Variants in DACH1 observed in about 807,000 individuals in gnomAD.
The protein encoded by DACH1 is dachshund family transcription factor 1, also known as dachshund homolog 1.
Under a neutral mutation model 54.2 loss-of-function variants are expected in DACH1, and 12 were observed. That is an observed-to-expected ratio of 0.22 (90% CI 0.14 to 0.36). The LOEUF is 0.36. Ranked by LOEUF, DACH1 falls within the 10% of genes least tolerant of loss-of-function variation. DACH1 has a pLI of 1.00. For missense variants in DACH1, 805 were observed against 929.8 expected (o/e 0.87, Z 1.75); for synonymous variants, 386 against 366.2 (o/e 1.05, Z -0.62).
At chr13:71,691,616 G>T (rs1432928467) in intron 1 of DACH1, among the ~76,000 whole-genome samples, 1 of 151,708 alleles carries the variant, frequency 6.6e-6, no homozygotes, top group African/African-American at 2.4e-5. Context: ...AAGTAATAGA[G>T]TCAGGTTGTG....
chr13:71,532,641 T>C (rs1882489665), intron 6 of DACH1, among the ~76,000 whole-genome samples: 1 of 152,008 alleles, frequency 6.6e-6, no homozygotes, highest in Non-Finnish European at 1.5e-5. Flanking sequence ...AGGATCCTGG[T>C]ACCTAGTAGG....
chr13:71,455,896 A>T (rs1593720444), intron 10 of DACH1, among the ~76,000 whole-genome samples: 1 of 152,164 alleles, frequency 6.6e-6, no homozygotes, highest in East Asian at 1.9e-4. Flanking sequence ...AACAGACCTC[A>T]TCCTTTGCAA....
At chr13:71,842,861 T>C (rs1872970237) in intron 1 of DACH1, among the ~76,000 whole-genome samples, 1 of 152,220 alleles carries the variant, frequency 6.6e-6, no homozygotes, top group African/African-American at 2.4e-5. Flanking sequence ...ATATCTATTC[T>C]TCTGACTTGT....
At chr13:71,536,456 G>A (rs1882812592) in intron 6 of DACH1, among the ~76,000 whole-genome samples, 1 of 152,046 alleles carries the variant, frequency 6.6e-6, no homozygotes, top group Non-Finnish European at 1.5e-5. Flanking sequence ...CGGACCTGGA[G>A]GCAGTGTGCT....
intron 6 of DACH1, among the ~76,000 whole-genome samples, chr13:71,541,948 T>C (rs986355308): frequency 2.2e-5 from 3 of 137,364 alleles, no homozygotes; most frequent in African/African-American, 8.9e-5. Flanking sequence ...TTTTTTTTTT[T>C]CATCTTCACA....
intron 1 of DACH1, among the ~76,000 whole-genome samples, chr13:71,714,754 T>C (rs1882891366): frequency 6.6e-6 from 1 of 152,074 alleles, no homozygotes; most frequent in South Asian, 2.1e-4. Flanking sequence ...AAGAAACCTA[T>C]CAATGTTTAG....
intron 2 of DACH1, among the ~76,000 whole-genome samples, chr13:71,638,904 A>G (rs1361530417): frequency 6.6e-6 from 1 of 152,152 alleles, no homozygotes; most frequent in African/African-American, 2.4e-5. Flanking sequence ...CAACAATTCA[A>G]TTCAGAAAGT....
At chr13:71,807,640 T>C (rs1887560476) in intron 1 of DACH1, among the ~76,000 whole-genome samples, 1 of 152,174 alleles carries the variant, frequency 6.6e-6, no homozygotes, top group Admixed American at 6.5e-5. Flanking sequence ...TTTCTAGAAA[T>C]AGGAATCTAA....
intron 2 of DACH1, among the ~76,000 whole-genome samples, chr13:71,679,751 G>A (rs548114816): frequency 3.4e-4 from 51 of 152,066 alleles, no homozygotes; most frequent in African/African-American, 1.0e-3. Context: ...TTGGGAGGCC[G>A]AGGCGGATGG....
chr13:71,759,937 C>A (rs1594187754), intron 1 of DACH1, among the ~76,000 whole-genome samples: 1 of 152,148 alleles, frequency 6.6e-6, no homozygotes, highest in East Asian at 1.9e-4. Context: ...ACAATGTAAG[C>A]CTTTTCTTAA....
At chr13:71,608,597 T>A (rs1875064719) in intron 3 of DACH1, among the ~76,000 whole-genome samples, 1 of 152,102 alleles carries the variant, frequency 6.6e-6, no homozygotes, top group Admixed American at 6.6e-5. Flanking sequence ...ATATTCTGAA[T>A]GTCTCAACTT....
In DACH1 at chr13:71,752,026, TA is replaced by T. The variant is rs371139452; in HGVS notation, c.849-70117del. ...TATTTCCTTTATAGTAAGTGTGATATAAACAAAAATACTGACTAATGAAAGA... is the reference window on the plus strand; with the variant it reads ...TATTTCCTTTATAGTAAGTGTGATATAACAAAAATACTGACTAATGAAAGA... On this transcript the variant is annotated intron_variant, in intron 1 of 10. Transcript: ENST00000613252. Among the ~76,000 whole-genome samples, 176 of 152,258 alleles carry T rather than the reference TA, an allele frequency of 1.2e-3. 2 individuals carry two copies. Among genetic ancestry groups the T allele is most frequent in the African/African-American group, 4.0e-3 (168 of 41,570 alleles).
At chr13:71,832,219 G>A (rs1428156692) in intron 1 of DACH1, among the ~76,000 whole-genome samples, 2 of 151,928 alleles carry the variant, frequency 1.3e-5, no homozygotes, top group African/African-American at 4.8e-5. Flanking sequence ...AATAAATGAA[G>A]TGGATCTCTT....
intron 6 of DACH1, among the ~76,000 whole-genome samples, chr13:71,555,297 A>G (rs1884166784): frequency 6.6e-6 from 1 of 151,868 alleles, no homozygotes; most frequent in Admixed American, 6.6e-5. Context: ...TTAAAACTTG[A>G]GTCTTCGATG....
At chr13:71,687,629 A>G (rs1881247274) in intron 1 of DACH1, among the ~76,000 whole-genome samples, 1 of 152,160 alleles carries the variant, frequency 6.6e-6, no homozygotes, top group Non-Finnish European at 1.5e-5. Context: ...GTTTTTTGAC[A>G]CAAGGTCTCA....
At chr13:71,598,109 G>A in intron 3 of DACH1, among the ~76,000 whole-genome samples, 1 of 151,230 alleles carries the variant, frequency 6.6e-6, no homozygotes. Context: ...AAATAAGATA[G>A]GAAAAAAAGA....
intron 3 of DACH1, among the ~76,000 whole-genome samples, chr13:71,612,038 G>T (rs932252917): frequency 1.1e-4 from 16 of 152,094 alleles, no homozygotes; most frequent in African/African-American, 2.4e-5. Flanking sequence ...CATCACAAAA[G>T]ATATTTTTGT....
chr13:71,566,369 C>T (rs2138398857), intron 4 of DACH1, among the ~76,000 whole-genome samples: 1 of 152,208 alleles, frequency 6.6e-6, no homozygotes. Flanking sequence ...TTTTATGATG[C>T]CAGCCACCAC....
chr13:71,520,292 C>T (rs1881498878), intron 6 of DACH1, among the ~76,000 whole-genome samples: 1 of 151,486 alleles, frequency 6.6e-6, no homozygotes, highest in Admixed American at 6.6e-5. Flanking sequence ...ATACTCTTGC[C>T]AGAGCATCAA....
Sources: allele counts gnomAD v4.1 joint callset (sites outside exome capture counted in the v4.1 genomes callset), GRCh38; gene constraint gnomAD v4.1.1; transcripts MANE v1.5; gene names NCBI Gene and HGNC (gene_info 2026-07-23, HGNC 2026-07-21).